The following DOCK1 variants were observed in gnomAD, a reference collection of about 807,000 sequenced individuals.
DOCK1 encodes the protein dedicator of cytokinesis protein 1.
In DOCK1, 138 loss-of-function variants were observed where a neutral mutation model predicts 262.7. The observed-to-expected ratio is 0.53, with a 90% CI of 0.46 to 0.61. The LOEUF is 0.61. Ranked by LOEUF, DOCK1 falls within the 20% of genes least tolerant of loss-of-function variation. The pLI is 0.00. For missense variants in DOCK1, 1,908 were observed against 2,370.7 expected (o/e 0.80, Z 4.05); for synonymous variants, 866 against 867.4 (o/e 1.00, Z 0.03).
chr10:127,184,776 G>A (rs1002816985), intron 27 of DOCK1, among the ~76,000 whole-genome samples: 18 of 152,126 alleles, frequency 1.2e-4, no homozygotes, highest in African/African-American at 4.1e-4. Flanking sequence ...CCAGGACCGC[G>A]CCCTGGTCCT....
chr10:127,262,213 C>CGTGTGTGT (rs1554934725), intron 29 of DOCK1, among the ~76,000 whole-genome samples: 1 of 126,484 alleles, frequency 7.9e-6, no homozygotes, highest in South Asian at 2.6e-4. Flanking sequence ...TGTGTGTGTG[C>CGTGTGTGT]GTGTGTGTGT....
chr10:127,189,993 C>G (rs1260481263), intron 27 of DOCK1, among the ~76,000 whole-genome samples: 2 of 152,164 alleles, frequency 1.3e-5, no homozygotes, highest in Non-Finnish European at 2.9e-5. Flanking sequence ...GATGAACTCT[C>G]CAGTTTTTTT....
chr10:126,935,290 C>T (rs1485567800), intron 1 of DOCK1, among the ~76,000 whole-genome samples: 1 of 152,226 alleles, frequency 6.6e-6, no homozygotes, highest in African/African-American at 2.4e-5. Context: ...TGGCTTTAAT[C>T]TACACTGTGT....
chr10:126,996,664 C>G (rs2040219174), intron 6 of DOCK1, 84 bp from the exon 7 acceptor site: 18 of 1,365,092 alleles, frequency 1.3e-5, no homozygotes, highest in Non-Finnish European at 1.6e-5. Context: ...TTTTACCTGC[C>G]CAGTTGCTGT....
At chr10:126,936,289 G>T (rs1352983527) in intron 1 of DOCK1, among the ~76,000 whole-genome samples, 1 of 152,166 alleles carries the variant, frequency 6.6e-6, no homozygotes, top group Non-Finnish European at 1.5e-5. Context: ...CTTGGCTGTA[G>T]ACTTTTTGTG....
Position 127,424,267 on chromosome 10 carries a change from A to G in DOCK1, c.4777-1607A>G, listed in dbSNP as rs576738145. 3.9e-5 allele frequency among the ~76,000 whole-genome samples: 6 copies of G among 152,252 alleles called. No individual in the cohort carries two copies. The South Asian group carries it at 6.2e-4, about 16-fold the overall frequency. On this transcript the variant is annotated intron_variant, in intron 46 of 51. Coordinates refer to ENST00000623213, the MANE Select transcript of DOCK1 (RefSeq NM_001290223.2). ...GAGTGGTGAATTCTCACACCTGGTA[A>G]ATTTCACCTATCAGATTGCAGTTCG...
intron 23 of DOCK1, among the ~76,000 whole-genome samples, chr10:127,066,763 T>A (rs1255557216): frequency 6.6e-6 from 1 of 152,242 alleles, no homozygotes; most frequent in Non-Finnish European, 1.5e-5. Flanking sequence ...ATTTCTCAAC[T>A]GATTTAGTCT....
At chr10:127,211,457 A>G (rs938713404) in intron 27 of DOCK1, among the ~76,000 whole-genome samples, 2 of 152,214 alleles carry the variant, frequency 1.3e-5, no homozygotes, top group Admixed American at 6.5e-5. Context: ...CTTTATAGAC[A>G]TCGCCATCCC....
Position 127,244,431 on chromosome 10 carries a change from A to C in DOCK1, c.2848-3577A>C, listed in dbSNP as rs11016901. 9.3e-4 allele frequency among the ~76,000 whole-genome samples: 141 copies of C among 152,274 alleles called. 1 individual carries two copies. In the East Asian group the frequency reaches 0.021, roughly 23 times the overall value. ...CAGAAGTAGAATTACTTAGGAGATG[A>C]GTATTTATTTTCAAGACTTTTCAAA... On this transcript the variant is annotated intron_variant, in intron 27 of 51. Coordinates refer to ENST00000623213, the MANE Select transcript of DOCK1 (RefSeq NM_001290223.2).
At chr10:126,970,388 A>C (rs922623409) in intron 1 of DOCK1, among the ~76,000 whole-genome samples, 10 of 152,354 alleles carry the variant, frequency 6.6e-5, no homozygotes, top group Non-Finnish European at 8.8e-5. Flanking sequence ...ATTCATAGGC[A>C]GATAAAAATC....
At chr10:127,112,950 A>C (rs182830189) in intron 25 of DOCK1, among the ~76,000 whole-genome samples, 23 of 152,234 alleles carry the variant, frequency 1.5e-4, no homozygotes, top group Admixed American at 3.9e-4. Context: ...TGCTTGTTCA[A>C]AGCAGCCAAC....
At chr10:127,332,727 C>T (rs1200180245) in intron 29 of DOCK1, among the ~76,000 whole-genome samples, 1 of 152,188 alleles carries the variant, frequency 6.6e-6, no homozygotes, top group Non-Finnish European at 1.5e-5. Flanking sequence ...GAAGTCACTT[C>T]TTTCCACATA....
intron 1 of DOCK1, among the ~76,000 whole-genome samples, chr10:126,942,591 G>A (rs1204897465): frequency 1.3e-5 from 2 of 152,054 alleles, no homozygotes; most frequent in East Asian, 1.9e-4. Flanking sequence ...TTAATGGAAC[G>A]AGCCAGCCCC....
At chr10:127,277,274 G>C (rs1004209541) in intron 29 of DOCK1, among the ~76,000 whole-genome samples, 1 of 152,206 alleles carries the variant, frequency 6.6e-6, no homozygotes, top group Non-Finnish European at 1.5e-5. Context: ...TGAGGCAGCA[G>C]ATCATTAAGA....
rs189209793 is a variant in DOCK1, at chr10:127,212,668, T to C, written c.2848-35340T>C. 4.0e-3 allele frequency among the ~76,000 whole-genome samples: 607 copies of C among 152,188 alleles called. 7 individuals carry two copies. The highest frequency in any genetic ancestry group is 0.014 in the African/African-American group (571 of 41,552). On this transcript the variant is annotated intron_variant, in intron 27 of 51. Transcript: ENST00000623213. Reference sequence around the variant, plus strand: ...TTTCCTTTAGGAGTGTTGTTTTTTTTTTCTCAATGAAGGATGAATTTTCTA... The same window carrying C: ...TTTCCTTTAGGAGTGTTGTTTTTTTCTTCTCAATGAAGGATGAATTTTCTA...
intron 27 of DOCK1, among the ~76,000 whole-genome samples, chr10:127,171,600 G>T (rs958311142): frequency 1.3e-5 from 2 of 152,178 alleles, no homozygotes; most frequent in African/African-American, 2.4e-5. Context: ...ATGCTTTATT[G>T]GGGTGGCAAG....
chr10:127,188,689 A>G (rs1422766734), intron 27 of DOCK1, among the ~76,000 whole-genome samples: 1 of 152,178 alleles, frequency 6.6e-6, no homozygotes. Context: ...CCTCCACTTA[A>G]TAGCCCAGAA....
chr10:127,009,541 T>C (rs2041275154), intron 11 of DOCK1, among the ~76,000 whole-genome samples: 1 of 151,972 alleles, frequency 6.6e-6, no homozygotes, highest in Admixed American at 6.5e-5. Flanking sequence ...GGAATCCAGA[T>C]GGTTGAGGTT....
chr10:127,062,234 C>T (rs967676546), intron 23 of DOCK1, among the ~76,000 whole-genome samples: 2 of 151,906 alleles, frequency 1.3e-5, no homozygotes, highest in South Asian at 2.1e-4. Flanking sequence ...CCACTGTGCC[C>T]GGCCTTTTTT....
Sources: allele counts gnomAD v4.1 joint callset (sites outside exome capture counted in the v4.1 genomes callset), GRCh38; gene constraint gnomAD v4.1.1; transcripts MANE v1.5; gene names NCBI Gene and HGNC (gene_info 2026-07-23, HGNC 2026-07-21).